TLK1: variants seen among roughly 807,000 people sequenced by gnomAD.
The protein encoded by TLK1 is tousled like kinase 1.
In TLK1, 24 loss-of-function variants were observed where a neutral mutation model predicts 105.3. That is an observed-to-expected ratio of 0.23 (90% CI 0.17 to 0.32). The LOEUF is 0.32. Among genes scored for constraint, TLK1 ranks in the 10% least tolerant of loss-of-function variants. TLK1 has a pLI of 1.00. For synonymous variants in TLK1, 321 were observed against 310.4 expected (o/e 1.03, Z -0.36); for missense variants, 558 against 910.5 (o/e 0.61, Z 4.98).
intron 1 of TLK1, among the ~76,000 whole-genome samples, chr2:171,173,249 A>T: frequency 6.6e-6 from 1 of 152,362 alleles, no homozygotes; most frequent in East Asian, 1.9e-4. Flanking sequence ...CAGTTAGAAT[A>T]ACATAACTAA....
At chr2:171,058,071 T>G (rs756879547) in intron 5 of TLK1, 80 bp downstream of exon 5, 54 of 1,442,044 alleles carry the variant, frequency 3.7e-5, no homozygotes, top group Non-Finnish European at 5.0e-5. Context: ...AAGCTGACCT[T>G]GTGCTTCTAA....
chr2:171,092,986 A>G (rs1165926151), intron 2 of TLK1, among the ~76,000 whole-genome samples: 2 of 152,218 alleles, frequency 1.3e-5, no homozygotes, highest in Admixed American at 1.3e-4. Flanking sequence ...CAAGTCCAGA[A>G]GGACCACATG....
chr2:171,181,592 G>C (rs1692929500), intron 1 of TLK1, among the ~76,000 whole-genome samples: 1 of 152,206 alleles, frequency 6.6e-6, no homozygotes. Context: ...ACCCATGGTG[G>C]AAAGCGAAGG....
chr2:171,089,154 G>C (rs923875808), intron 2 of TLK1, among the ~76,000 whole-genome samples: 1 of 152,174 alleles, frequency 6.6e-6, no homozygotes, highest in Non-Finnish European at 1.5e-5. Context: ...CACCACATTT[G>C]GCCTGGCTTT....
At chr2:171,197,081 A>C (rs1182889917) in intron 1 of TLK1, among the ~76,000 whole-genome samples, 1 of 152,174 alleles carries the variant, frequency 6.6e-6, no homozygotes, top group Admixed American at 6.5e-5. Flanking sequence ...GAAAAAAAAT[A>C]CTCAGTAGCA....
intron 1 of TLK1, among the ~76,000 whole-genome samples, chr2:171,172,782 A>G (rs1692754830): frequency 1.3e-5 from 2 of 152,230 alleles, no homozygotes; most frequent in Non-Finnish European, 1.5e-5. Context: ...AGATGTCAGC[A>G]TCATGCTTCC....
chr2:171,048,837 G>A (rs1687087581), intron 10 of TLK1, among the ~76,000 whole-genome samples: 1 of 152,144 alleles, frequency 6.6e-6, no homozygotes, highest in Admixed American at 6.5e-5. Flanking sequence ...GGATACTCTG[G>A]AAAAGCTGAT....
intron 3 of TLK1, among the ~76,000 whole-genome samples, chr2:171,068,976 A>C (rs1157250978): frequency 6.6e-6 from 1 of 152,184 alleles, no homozygotes; most frequent in Non-Finnish European, 1.5e-5. Context: ...TCTGAAACAA[A>C]ATTTGTCAGT....
upstream of TLK1, among the ~76,000 whole-genome samples, chr2:171,161,849 CT>C (rs199670019): frequency 8.9e-3 from 1,315 of 147,360 alleles, 19 homozygotes; most frequent in African/African-American, 0.032. Flanking sequence ...AGGGATTGGG[CT>C]TCTTGTACAT....
chr2:171,038,548 C>T (rs1686489266), intron 11 of TLK1, among the ~76,000 whole-genome samples: 1 of 152,104 alleles, frequency 6.6e-6, no homozygotes, highest in Non-Finnish European at 1.5e-5. Context: ...TGAAATCTTT[C>T]ATTTCAGAAT....
At chr2:171,077,628 AT>A (rs1688570676) in intron 3 of TLK1, among the ~76,000 whole-genome samples, 1 of 152,234 alleles carries the variant, frequency 6.6e-6, no homozygotes, top group Non-Finnish European at 1.5e-5. Context: ...CTTCTATGAC[AT>A]TTAATTCCAC....
chr2:171,180,025 C>T (rs1463069673), intron 1 of TLK1, among the ~76,000 whole-genome samples: 1 of 150,570 alleles, frequency 6.6e-6, no homozygotes, highest in Non-Finnish European at 1.5e-5. Context: ...AACCTGGGGG[C>T]CAGAAGTTGC....
chr2:171,114,550 A>C (rs1690325531), intron 2 of TLK1, among the ~76,000 whole-genome samples: 1 of 152,202 alleles, frequency 6.6e-6, no homozygotes, highest in Admixed American at 6.5e-5. Flanking sequence ...AAACTAAAAA[A>C]GGTGGCCTGG....
At chr2:171,083,826 G>A (rs1012591882) in intron 2 of TLK1, among the ~76,000 whole-genome samples, 2 of 152,168 alleles carry the variant, frequency 1.3e-5, no homozygotes, top group Admixed American at 6.6e-5. Context: ...ACAAAGGATA[G>A]CGCTTGAACT....
chr2:171,034,727 G>A (rs1407166323), intron 11 of TLK1, among the ~76,000 whole-genome samples: 2 of 152,040 alleles, frequency 1.3e-5, no homozygotes, highest in South Asian at 2.1e-4. Context: ...ATGGTTATTC[G>A]TATGTTACAT....
chr2:171,030,067 T>G (rs926008568), intron 11 of TLK1, among the ~76,000 whole-genome samples: 1 of 152,128 alleles, frequency 6.6e-6, no homozygotes, highest in African/African-American at 2.4e-5. Flanking sequence ...TTTAAAAGAA[T>G]AGCTCTTATC....
intron 1 of TLK1, among the ~76,000 whole-genome samples, chr2:171,213,515 T>A (rs1450858557): frequency 3.3e-5 from 5 of 151,408 alleles, no homozygotes; most frequent in South Asian, 2.1e-4. Flanking sequence ...TATCTTTTTT[T>A]TAAAAAAAAA....
chr2:171,082,973 T>C, intron 2 of TLK1, 121 bp from the exon 3 acceptor site: 1 of 684,564 alleles, frequency 1.5e-6, no homozygotes, highest in Non-Finnish European at 2.4e-6. Flanking sequence ...AAAGTATAAT[T>C]CCTTAAAACA....
intron 1 of TLK1, among the ~76,000 whole-genome samples, chr2:171,158,079 A>G (rs570981868): frequency 2.1e-4 from 32 of 152,308 alleles, no homozygotes; most frequent in Middle Eastern, 3.4e-3. Context: ...GCTCAATAGA[A>G]ATCATCTCCA....
Sources: gnomAD v4.1 joint callset for allele counts (sites outside exome capture counted in the v4.1 genomes callset) on GRCh38, gnomAD v4.1.1 for gene constraint, MANE v1.5 for transcripts, NCBI Gene and HGNC (gene_info 2026-07-23, HGNC 2026-07-21) for gene names.